APH1B: variants seen among roughly 807,000 people sequenced by gnomAD.
APH1B encodes gamma-secretase subunit APH-1B.
In APH1B, 27 loss-of-function variants were observed where a neutral mutation model predicts 28.2. The ratio of observed to expected loss-of-function variants is 0.96; its 90% CI spans 0.70 to 1.32. The LOEUF (loss-of-function observed/expected upper bound fraction) is 1.32, where lower values mean the gene tolerates loss of function less well. APH1B is among the 40% of genes most tolerant of loss of function. The pLI, the probability that APH1B is intolerant of heterozygous loss-of-function variation, is 0.00. For missense variants in APH1B, 305 were observed against 313.6 expected, an observed-to-expected ratio of 0.97 and a Z score of 0.21; for synonymous variants, 141 against 124.6, an observed-to-expected ratio of 1.13 and a Z score of -0.88.
chr15:63,294,072 G>A (rs1003119062), intron 4 of APH1B, among the ~76,000 whole-genome samples: 5 of 151,794 alleles, frequency 3.3e-5, no homozygotes, highest in Non-Finnish European at 1.5e-5. Flanking sequence ...GGTGTTTTGG[G>A]GGTTTTGTTT....
chr15:63,292,720 T>G (rs1407127312), intron 4 of APH1B, among the ~76,000 whole-genome samples: 1 of 152,202 alleles, frequency 6.6e-6, no homozygotes, highest in Non-Finnish European at 1.5e-5. Context: ...GTGTAAGCCT[T>G]TCTTTCCAGC....
chr15:63,302,949 G>A (rs2038648456), intron 5 of APH1B, among the ~76,000 whole-genome samples: 1 of 152,040 alleles, frequency 6.6e-6, no homozygotes, highest in Non-Finnish European at 1.5e-5. Context: ...CTCAATTCAT[G>A]GCACATAGTA....
chr15:63,302,619 A>T, intron 5 of APH1B, 147 bp downstream of exon 5: 1 of 1,073,626 alleles, frequency 9.3e-7, no homozygotes, highest in South Asian at 2.0e-5. Flanking sequence ...GAGTCATGTA[A>T]GTCTTACCAC....
chr15:63,295,423 C>T (rs2038555061), intron 4 of APH1B, among the ~76,000 whole-genome samples: 1 of 152,178 alleles, frequency 6.6e-6, no homozygotes, highest in African/African-American at 2.4e-5. Context: ...TGTTTTGCAG[C>T]ATTTTTGTGA....
chr15:63,305,915 C>G lies in APH1B; in HGVS notation c.*134C>G, dbSNP rs1347835564. On this transcript the variant is annotated 3_prime_UTR_variant, in exon 6 of 6. Transcript: ENST00000261879. ...ACTATGCAGATATGCGTTCCATTCACTTGGCTTTCACACAACTGCTCTCCG... is the reference window on the plus strand; with the variant it reads ...ACTATGCAGATATGCGTTCCATTCAGTTGGCTTTCACACAACTGCTCTCCG... 1.1e-5 allele frequency: 13 copies of G among 1,221,090 alleles called. No individual in the cohort carries two copies. The highest frequency in any genetic ancestry group is 2.9e-5 in the Admixed American group (1 of 34,656). The allele number at this position is 1,221,090 out of a possible 1,614,324, so 75.6% of individuals were successfully genotyped here. A position where few individuals can be genotyped will look rare whatever the true frequency, so the allele number is the denominator to read the frequency against.
intron 5 of APH1B, 136 bp downstream of exon 5, chr15:63,302,608 T>A: frequency 8.3e-7 from 1 of 1,211,944 alleles, no homozygotes; most frequent in Non-Finnish European, 1.1e-6. Flanking sequence ...AGTGAATGAA[T>A]GAGTCATGTA....
At position 63,302,467 on chromosome 15, in the gene APH1B, G is replaced by A; in HGVS notation, c.601G>A (p.Ala201Thr). ...IVLLTHLLVSAQTFISSYYGI... is the reference protein window; with the variant it reads ...IVLLTHLLVSTQTFISSYYGI... The stretch of plus-strand genomic sequence containing the variant: ...TCTCCTGACCCACCTGCTGGTGTCA[G>A]CCCAGGTGAGTGTTGCCGCCATGCT... Residue 201 changes from alanine to threonine, a missense_variant, in exon 5 of 6, where the codon GCC becomes ACC. Ala to Thr is a moderately conservative substitution (Grantham distance 58). Coordinates refer to ENST00000261879, the MANE Select transcript of APH1B (RefSeq NM_031301.4). The A allele has an allele frequency of 6.2e-7, 1 of 1,613,142 alleles. No individual in the cohort carries two copies. Among genetic ancestry groups the A allele is most frequent in the Non-Finnish European group, 8.5e-7 (1 of 1,179,626 alleles).
chr15:63,305,944 G>C lies in APH1B; in HGVS notation c.*163G>C, dbSNP rs138800714. The C allele has an allele frequency of 1.1e-6, 1 of 927,210 alleles. No homozygotes were observed. The highest frequency in any genetic ancestry group is 1.7e-5 in the African/African-American group (1 of 59,580). The allele number at this position is 927,210 out of a possible 1,614,324, so 57.4% of individuals were successfully genotyped here. On this transcript the variant is annotated 3_prime_UTR_variant, in exon 6 of 6. Coordinates refer to ENST00000261879, the MANE Select transcript of APH1B (RefSeq NM_031301.4). ...GCTTTCACACAACTGCTCTCCGAAAGGGGTGCTCAGTGGTGTGCGTCCTGG... is the reference window on the plus strand; with the variant it reads ...GCTTTCACACAACTGCTCTCCGAAACGGGTGCTCAGTGGTGTGCGTCCTGG...
In APH1B at chr15:63,286,451, C is replaced by T. The variant is rs1038823361; in HGVS notation, c.285-107C>T. ...ATTTAGAGTATAACCTGATGCAAAG[C>T]CTCAGTGAGTATCTGGGTTTGAAGT... On this transcript the variant is annotated intron_variant, in intron 2 of 5. Coordinates refer to ENST00000261879, the MANE Select transcript of APH1B (RefSeq NM_031301.4). The T allele has an allele frequency of 1.3e-5, 11 of 862,662 alleles. No homozygotes were observed. In the East Asian group the frequency reaches 2.5e-4, roughly 20 times the overall value. The allele number at this position is 862,662 out of a possible 1,614,324, so 53.4% of individuals were successfully genotyped here.
chr15:63,299,476 C>T (rs1169917327), intron 4 of APH1B, among the ~76,000 whole-genome samples: 1 of 152,156 alleles, frequency 6.6e-6, no homozygotes, highest in African/African-American at 2.4e-5. Flanking sequence ...ACTATCTCGG[C>T]TCACTGCAAG....
chr15:63,294,786 G>A (rs957322811), intron 4 of APH1B, among the ~76,000 whole-genome samples: 21 of 152,208 alleles, frequency 1.4e-4, no homozygotes, highest in African/African-American at 4.3e-4. Context: ...AATATTTTTC[G>A]TGAGATCAAA....
chr15:63,292,405 G>A (rs915679780), intron 4 of APH1B, among the ~76,000 whole-genome samples: 2 of 151,842 alleles, frequency 1.3e-5, no homozygotes, highest in South Asian at 2.1e-4. Context: ...TTTTTTCTAA[G>A]AGATAAGGTC....
chr15:63,278,291 C>A (rs2038348040), intron 1 of APH1B: 1 of 456,558 alleles, frequency 2.2e-6, no homozygotes, highest in African/African-American at 2.0e-5. Context: ...CGTTGTGCAG[C>A]CGAAGGGTGG....
At chr15:63,286,870 G>A (rs956216515) in intron 3 of APH1B, among the ~76,000 whole-genome samples, 1 of 152,172 alleles carries the variant, frequency 6.6e-6, no homozygotes, top group African/African-American at 2.4e-5. Context: ...GATTTTTAAT[G>A]TGTATGTACC....
intron 2 of APH1B, among the ~76,000 whole-genome samples, chr15:63,281,831 TGAGGGCAGG>T (rs2038392444): frequency 6.6e-6 from 1 of 151,992 alleles, no homozygotes; most frequent in Non-Finnish European, 1.5e-5. Context: ...ACTTTTTTAA[TGAGGGCAGG>T]AAAGGAGTAG....
At chr15:63,278,584 A>G (rs376183948) in intron 1 of APH1B, among the ~76,000 whole-genome samples, 5 of 152,344 alleles carry the variant, frequency 3.3e-5, no homozygotes, top group African/African-American at 1.2e-4. Context: ...TAATCATTAG[A>G]ATCCCCAGGG....
At chr15:63,283,377 G>A (rs567191951) in intron 2 of APH1B, among the ~76,000 whole-genome samples, 9 of 136,522 alleles carry the variant, frequency 6.6e-5, no homozygotes, top group African/African-American at 1.4e-4. Flanking sequence ...CTATAAGTGC[G>A]TGCCACCACA....
chr15:63,288,304 A>G (rs981433682), intron 4 of APH1B, among the ~76,000 whole-genome samples: 1 of 152,226 alleles, frequency 6.6e-6, no homozygotes, highest in African/African-American at 2.4e-5. Flanking sequence ...AAAAGTGAAT[A>G]AGCATTTCAG....
chr15:63,281,084 C>T (rs570261192), intron 2 of APH1B, among the ~76,000 whole-genome samples: 25 of 151,840 alleles, frequency 1.6e-4, no homozygotes, highest in East Asian at 9.7e-4. Flanking sequence ...TGCAGTGAGC[C>T]GTGATTGCAC....
Sources: allele counts gnomAD v4.1 joint callset (sites outside exome capture counted in the v4.1 genomes callset), GRCh38; gene constraint gnomAD v4.1.1; transcripts MANE v1.5; gene names NCBI Gene and HGNC (gene_info 2026-07-23, HGNC 2026-07-21).